FUT8: variants seen among roughly 807,000 people sequenced by gnomAD.
The protein encoded by FUT8 is fucosyltransferase 8.
Under a neutral mutation model 71.3 loss-of-function variants are expected in FUT8, and 29 were observed. That is an observed-to-expected ratio of 0.41 (90% CI 0.30 to 0.55). The LOEUF (loss-of-function observed/expected upper bound fraction) is 0.55, where lower values mean the gene tolerates loss of function less well. Ranked by LOEUF, FUT8 falls within the 20% of genes least tolerant of loss-of-function variation. The probability of loss-of-function intolerance (pLI) is 0.34; values close to 1 mark genes in which losing one functional copy is unlikely to be tolerated. For missense variants in FUT8, 544 were observed against 702.1 expected, an observed-to-expected ratio of 0.77 and a Z score of 2.55; for synonymous variants, 254 against 239.3, an observed-to-expected ratio of 1.06 and a Z score of -0.57.
At chr14:65,732,920 T>C (rs1178188818) in intron 9 of FUT8, among the ~76,000 whole-genome samples, 1 of 152,184 alleles carries the variant, frequency 6.6e-6, no homozygotes, top group Non-Finnish European at 1.5e-5. Context: ...TTGAATAAAC[T>C]CTTAAAAGTC....
intron 2 of FUT8, among the ~76,000 whole-genome samples, chr14:65,460,194 C>T (rs1196474796): frequency 6.6e-6 from 1 of 152,164 alleles, no homozygotes; most frequent in African/African-American, 2.4e-5. Flanking sequence ...TCTCTTCAAT[C>T]CATGGATCTC....
intron 2 of FUT8, among the ~76,000 whole-genome samples, chr14:65,514,383 G>T (rs555305399): frequency 1.3e-5 from 2 of 152,238 alleles, no homozygotes; most frequent in African/African-American, 4.8e-5. Context: ...ACCAAGATTG[G>T]TTGGGCAGTG....
chr14:65,562,457 C>T (rs1401877307), intron 3 of FUT8, among the ~76,000 whole-genome samples: 1 of 152,060 alleles, frequency 6.6e-6, no homozygotes, highest in Non-Finnish European at 1.5e-5. Flanking sequence ...TGACATATAT[C>T]TATTAGAAGG....
chr14:65,645,504 T>C (rs1337321058), intron 6 of FUT8, among the ~76,000 whole-genome samples: 1 of 152,170 alleles, frequency 6.6e-6, no homozygotes, highest in Non-Finnish European at 1.5e-5. Flanking sequence ...TGATTTAAAA[T>C]GTTGTTTTTA....
intron 2 of FUT8, among the ~76,000 whole-genome samples, chr14:65,471,894 T>G (rs2066152741): frequency 6.6e-6 from 1 of 152,218 alleles, no homozygotes; most frequent in African/African-American, 2.4e-5. Flanking sequence ...TTTATCTCAT[T>G]TGGCAGTATT....
At chr14:65,666,157 A>G (rs1892203905) in intron 6 of FUT8, among the ~76,000 whole-genome samples, 1 of 152,164 alleles carries the variant, frequency 6.6e-6, no homozygotes, top group South Asian at 2.1e-4. Context: ...TTAATTTCAC[A>G]TTGTTTACAG....
intron 1 of FUT8, among the ~76,000 whole-genome samples, chr14:65,447,480 T>C (rs2065760528): frequency 6.6e-6 from 1 of 152,088 alleles, no homozygotes; most frequent in Non-Finnish European, 1.5e-5. Flanking sequence ...CTTTTTGGAT[T>C]GGAAAGGAAT....
intron 3 of FUT8, among the ~76,000 whole-genome samples, chr14:65,611,981 T>G (rs571755499): frequency 1.6e-4 from 24 of 152,296 alleles, no homozygotes; most frequent in Admixed American, 3.3e-4. Context: ...TTAACATCTT[T>G]TTTATATCTT....
intron 1 of FUT8, among the ~76,000 whole-genome samples, chr14:65,440,310 A>T (rs2065634500): frequency 6.6e-6 from 1 of 151,948 alleles, no homozygotes; most frequent in African/African-American, 2.4e-5. Context: ...AGTTAATAAT[A>T]AAGTGTTGTA....
At chr14:65,623,451 C>T (rs954704219) in intron 5 of FUT8, among the ~76,000 whole-genome samples, 1 of 152,088 alleles carries the variant, frequency 6.6e-6, no homozygotes, top group Non-Finnish European at 1.5e-5. Flanking sequence ...GGCGCGGTGG[C>T]TCATGCCTGT....
the FUT8 span, among the ~76,000 whole-genome samples, chr14:65,358,845 G>T: frequency 6.6e-6 from 1 of 152,108 alleles, no homozygotes; most frequent in Admixed American, 6.5e-5. Context: ...ACTGTTTGGT[G>T]AGTACATATA....
At position 65,568,594 on chromosome 14, in the gene FUT8, T is replaced by C. The variant is rs192149020; in HGVS notation, c.203+6828T>C. Among the ~76,000 whole-genome samples the C allele has an allele frequency of 3.5e-3, 525 of 151,894 alleles. 2 individuals are homozygous for C. Among genetic ancestry groups the C allele is most frequent in the African/African-American group, 0.012 (498 of 41,516 alleles). On this transcript the variant is annotated intron_variant, in intron 3 of 10. Transcript: ENST00000673929. Reference sequence around the variant, plus strand: ...CAAATTGGGCTATTCTGTTTATCTTTCAGATTTTGATTTCTAGTTTGTTCT... The same window carrying C: ...CAAATTGGGCTATTCTGTTTATCTTCCAGATTTTGATTTCTAGTTTGTTCT...
At chr14:65,726,257 C>T (rs1389222481) in intron 9 of FUT8, among the ~76,000 whole-genome samples, 2 of 152,206 alleles carry the variant, frequency 1.3e-5, no homozygotes, top group East Asian at 1.9e-4. Context: ...GCATCACAAG[C>T]TTTTTTCCTT....
chr14:65,704,334 A>T (rs1024143707), intron 7 of FUT8, among the ~76,000 whole-genome samples: 3 of 109,596 alleles, frequency 2.7e-5, no homozygotes, highest in African/African-American at 7.6e-5. Flanking sequence ...TAAGAGTGGA[A>T]TTGTGATTTT....
the FUT8 span, among the ~76,000 whole-genome samples, chr14:65,386,837 A>ATTTT: frequency 6.9e-3 from 568 of 81,996 alleles, 11 homozygotes; most frequent in East Asian, 0.04. Context: ...TCTTCCTTTA[A>ATTTT]TTTTTTTTTT....
At chr14:65,535,282 G>A (rs941112427) in intron 2 of FUT8, among the ~76,000 whole-genome samples, 1 of 151,678 alleles carries the variant, frequency 6.6e-6, no homozygotes, top group African/African-American at 2.4e-5. Flanking sequence ...TATATTTTTA[G>A]TAGAGACGGG....
intron 1 of FUT8, among the ~76,000 whole-genome samples, chr14:65,422,248 A>G (rs1340144083): frequency 6.6e-6 from 1 of 152,090 alleles, no homozygotes; most frequent in Non-Finnish European, 1.5e-5. Context: ...TCTATGACCA[A>G]AAGACTGGGA....
Position 65,691,037 on chromosome 14 carries a change from T to G in FUT8, c.835+21557T>G, listed in dbSNP as rs928555699. ...CACCACGCCCAGCCACATTTGACTT[T>G]TGTATATCAACCTTGTATCCTACAA... On this transcript the variant is annotated intron_variant, in intron 7 of 10. Coordinates refer to ENST00000673929, the MANE Select transcript of FUT8 (RefSeq NM_001371533.1). Among the ~76,000 whole-genome samples the G allele has an allele frequency of 2.0e-5, 3 of 151,232 alleles. 1 individual carries two copies. The highest frequency in any genetic ancestry group is 4.9e-5 in the African/African-American group (2 of 40,492).
At chr14:65,631,931 A>G (rs1383063590) in intron 6 of FUT8, among the ~76,000 whole-genome samples, 1 of 152,012 alleles carries the variant, frequency 6.6e-6, no homozygotes, top group Non-Finnish European at 1.5e-5. Context: ...GCTCCCACAT[A>G]TCAGTGAGAA....
Sources: gnomAD v4.1 joint callset for allele counts (sites outside exome capture counted in the v4.1 genomes callset) on GRCh38, gnomAD v4.1.1 for gene constraint, MANE v1.5 for transcripts, NCBI Gene and HGNC (gene_info 2026-07-23, HGNC 2026-07-21) for gene names.